The following MYO5B variants were observed in gnomAD, a reference collection of about 807,000 sequenced individuals.
MYO5B encodes unconventional myosin-Vb.
MYO5B carries 143 observed loss-of-function variants against 229.3 expected under a neutral mutation model. The observed-to-expected ratio is 0.62, with a 90% confidence interval of 0.54 to 0.72. The LOEUF (loss-of-function observed/expected upper bound fraction) is 0.72. Ranked by LOEUF, MYO5B falls within the 30% of genes least tolerant of loss-of-function variation. The pLI, the probability that MYO5B is intolerant of heterozygous loss-of-function variation, is 0.00. For missense variants in MYO5B, 2,321 were observed against 2,331.0 expected (o/e 1.00, Z 0.09); for synonymous variants, 918 against 885.2 (o/e 1.04, Z -0.66).
chr18:50,075,605 A>T (rs1369751936), intron 1 of MYO5B, among the ~76,000 whole-genome samples: 1 of 152,170 alleles, frequency 6.6e-6, no homozygotes, highest in Non-Finnish European at 1.5e-5. Context: ...TCCTAGTGTG[A>T]GGTCCTACAC....
chr18:50,063,793 A>G (rs892394013), intron 1 of MYO5B: 1 of 152,238 alleles, frequency 6.6e-6, no homozygotes, highest in Non-Finnish European at 1.5e-5. Flanking sequence ...TCATTGTGTC[A>G]GTCACAATTC....
intron 1 of MYO5B, among the ~76,000 whole-genome samples, chr18:50,094,562 G>A (rs2031513723): frequency 6.6e-6 from 1 of 152,130 alleles, no homozygotes; most frequent in Non-Finnish European, 1.5e-5. Context: ...CCATCGAGGA[G>A]AAAAATGCAG....
intron 12 of MYO5B, among the ~76,000 whole-genome samples, chr18:49,957,142 CA>C (rs71169467): frequency 4.8e-3 from 279 of 58,722 alleles, no homozygotes; most frequent in African/African-American, 5.1e-3. Flanking sequence ...AATAAAGTAG[CA>C]AAAAAAAAAA....
chr18:50,000,939 C>T (rs183301838), intron 5 of MYO5B, among the ~76,000 whole-genome samples: 49 of 152,296 alleles, frequency 3.2e-4, no homozygotes, highest in African/African-American at 1.1e-3. Flanking sequence ...TGATTTCTGA[C>T]ACGTGATGTC....
intron 1 of MYO5B, among the ~76,000 whole-genome samples, chr18:50,098,131 A>G (rs1280319288): frequency 2.0e-5 from 3 of 152,206 alleles, no homozygotes; most frequent in African/African-American, 7.2e-5. Flanking sequence ...TTGCTTTAAC[A>G]TTTACTCCAC....
At chr18:49,912,541 T>C (rs1232924118) in intron 17 of MYO5B, among the ~76,000 whole-genome samples, 3 of 152,218 alleles carry the variant, frequency 2.0e-5, no homozygotes, top group Non-Finnish European at 4.4e-5. Context: ...GGGAGATAAC[T>C]GAATCATGGG....
chr18:49,873,526 T>C lies in MYO5B; in HGVS notation c.3538-1294A>G, dbSNP rs146842467. ...GCTTAAAACCCCTCCAAGGTACCAGTGTCTGTTTTGCCTCCACCACCACCA... is the reference window on the plus strand; with the variant it reads ...GCTTAAAACCCCTCCAAGGTACCAGCGTCTGTTTTGCCTCCACCACCACCA... On this transcript the variant is annotated intron_variant, in intron 26 of 39. Coordinates refer to ENST00000285039, the MANE Select transcript of MYO5B (RefSeq NM_001080467.3). Among the ~76,000 whole-genome samples, 857 of 152,254 alleles carry C rather than the reference T, an allele frequency of 5.6e-3. 2 individuals are homozygous for C. Among genetic ancestry groups the C allele is most frequent in the South Asian group, 0.018 (88 of 4,820 alleles).
At chr18:50,022,073 G>A (rs1454233011) in intron 4 of MYO5B, among the ~76,000 whole-genome samples, 2 of 152,114 alleles carry the variant, frequency 1.3e-5, no homozygotes, top group Non-Finnish European at 2.9e-5. Context: ...TTCACCCCAG[G>A]AGTGTCTCTT....
chr18:49,935,015 G>A lies in MYO5B; in HGVS notation c.2003+1237C>T, dbSNP rs55910410. On this transcript the variant is annotated intron_variant, in intron 16 of 39. Transcript: ENST00000285039. ...CCTCTGGCCAGAGGGAACAGCATGC[G>A]TGAAGGCCCAGAGCAGAAGAGACTG... is the stretch of plus-strand genomic sequence containing the variant. 4.5e-3 allele frequency among the ~76,000 whole-genome samples: 683 copies of A among 152,264 alleles called. 2 individuals carry two copies. The highest frequency in any genetic ancestry group is 0.015 in the African/African-American group (621 of 41,544).
chr18:49,994,582 T>G (rs2025967262), intron 5 of MYO5B, among the ~76,000 whole-genome samples: 1 of 152,236 alleles, frequency 6.6e-6, no homozygotes, highest in African/African-American at 2.4e-5. Context: ...GCTTGGAACA[T>G]GCCCAAGGTC....
intron 1 of MYO5B, among the ~76,000 whole-genome samples, chr18:50,138,557 G>A (rs772254379): frequency 1.1e-4 from 17 of 151,926 alleles, no homozygotes; most frequent in Non-Finnish European, 2.4e-4. Flanking sequence ...TTAGGAGGAG[G>A]ATAGAAGCCC....
chr18:50,044,087 G>C (rs2030151594), intron 2 of MYO5B, among the ~76,000 whole-genome samples: 1 of 152,112 alleles, frequency 6.6e-6, no homozygotes, highest in Non-Finnish European at 1.5e-5. Context: ...ATGCAGTTTT[G>C]TGAAAACTGC....
Position 49,962,409 on chromosome 18 carries a change from A to T in MYO5B, c.1405-3T>A. On this transcript the variant is annotated splice_polypyrimidine_tract_variant and splice_region_variant and intron_variant, in intron 11 of 39. Transcript: ENST00000285039. ...TCTTGCTCCAGTTTGAAAACATGCT[A>T]GGGCAAGTAAAAAGGTCACACGAGT... is the stretch of plus-strand genomic sequence containing the variant. The T allele has an allele frequency of 6.2e-7, 1 of 1,614,138 alleles. No homozygotes were observed. The highest frequency in any genetic ancestry group is 8.5e-7 in the Non-Finnish European group (1 of 1,180,010).
chr18:49,874,639 AT>A (rs1213959174), intron 26 of MYO5B, among the ~76,000 whole-genome samples: 1 of 152,344 alleles, frequency 6.6e-6, no homozygotes, highest in East Asian at 1.9e-4. Context: ...GTTGCAAAAA[AT>A]GACTGGACAC....
intron 1 of MYO5B, among the ~76,000 whole-genome samples, chr18:50,139,514 G>A (rs995325712): frequency 6.6e-6 from 1 of 152,152 alleles, no homozygotes. Context: ...TCATTGGCAC[G>A]ACTTAGAGAC....
At chr18:49,977,143 G>A (rs536600178) in intron 9 of MYO5B, among the ~76,000 whole-genome samples, 18 of 152,214 alleles carry the variant, frequency 1.2e-4, no homozygotes, top group Admixed American at 8.5e-4. Context: ...ACAGTGGGGC[G>A]GGGCTTGATT....
intron 1 of MYO5B, among the ~76,000 whole-genome samples, chr18:50,126,261 C>T (rs2032161072): frequency 6.6e-6 from 1 of 152,128 alleles, no homozygotes; most frequent in African/African-American, 2.4e-5. Flanking sequence ...GGAAACAGGT[C>T]CTTTACTATA....
At chr18:50,131,040 A>G (rs1261182586) in intron 1 of MYO5B, among the ~76,000 whole-genome samples, 2 of 152,124 alleles carry the variant, frequency 1.3e-5, no homozygotes, top group African/African-American at 2.4e-5. Context: ...CCAATCTTCA[A>G]TTCTTACAAC....
chr18:49,970,996 C>A (rs1218426101), intron 10 of MYO5B: 1 of 152,262 alleles, frequency 6.6e-6, no homozygotes, highest in African/African-American at 2.4e-5. Flanking sequence ...TCAAAGACAT[C>A]AGGTCAGCCC....
Sources: gnomAD v4.1 joint callset for allele counts (sites outside exome capture counted in the v4.1 genomes callset) on GRCh38, gnomAD v4.1.1 for gene constraint, MANE v1.5 for transcripts, NCBI Gene and HGNC (gene_info 2026-07-23, HGNC 2026-07-21) for gene names.